LMNB1: variants seen among roughly 807,000 people sequenced by gnomAD.
LMNB1 encodes the protein lamin B1.
A neutral mutation model predicts 67.1 loss-of-function variants in LMNB1; 23 were observed. The observed-to-expected ratio is 0.34, with a 90% CI of 0.25 to 0.49. The LOEUF is 0.49. LMNB1 is among the 20% of genes least tolerant of loss of function. The probability of loss-of-function intolerance (pLI) is 0.99; values close to 1 mark genes in which losing one functional copy is unlikely to be tolerated. For synonymous variants in LMNB1, 281 were observed against 282.9 expected (o/e 0.99, Z 0.07); for missense variants, 634 against 746.5 (o/e 0.85, Z 1.76).
Position 126,777,358 on chromosome 5 carries a change from C to CA in LMNB1, c.-150dup. 1 of 882,358 alleles carries CA rather than the reference C, an allele frequency of 1.1e-6. No individual in the cohort carries two copies. The allele number at this position is 882,358 out of a possible 1,614,324, so 54.7% of individuals were successfully genotyped here. A position where few individuals can be genotyped will look rare whatever the true frequency, so the allele number is the denominator to read the frequency against. ...TGCTGTAATCGAGCTCCCGCCATCC[C>CA]AGGTGCTTCTCCGTTCCTCTAAACG... On this transcript the variant is annotated 5_prime_UTR_variant, in exon 1 of 11. Coordinates refer to ENST00000261366, the MANE Select transcript of LMNB1 (RefSeq NM_005573.4).
intron 4 of LMNB1, among the ~76,000 whole-genome samples, chr5:126,810,707 A>G (rs1232114971): frequency 1.3e-5 from 2 of 152,232 alleles, no homozygotes; most frequent in African/African-American, 4.8e-5. Context: ...TCCATTTAGT[A>G]ATGAATGAAT....
chr5:126,777,407 G>A lies in LMNB1; in HGVS notation c.-102G>A, dbSNP rs1750485856. 1.6e-6 allele frequency: 2 copies of A among 1,218,932 alleles called. No individual in the cohort carries two copies. Among genetic ancestry groups the A allele is most frequent in the African/African-American group, 1.6e-5 (1 of 63,172 alleles). 75.5% of individuals were successfully genotyped at this position (1,218,932 alleles called of 1,614,324 possible). ...CGCCAGCGTCTGGACGTGAGCGCAG[G>A]TCGCCGGTTTGTGCCTTCGGTCCCC... is the stretch of plus-strand genomic sequence containing the variant. On this transcript the variant is annotated 5_prime_UTR_variant, in exon 1 of 11. Coordinates refer to ENST00000261366, the MANE Select transcript of LMNB1 (RefSeq NM_005573.4).
Position 126,777,886 on chromosome 5 carries a change from C to A in LMNB1, c.359+19C>A, listed in dbSNP as rs1750512489. 5 of 1,381,816 alleles carry A rather than the reference C, an allele frequency of 3.6e-6. No homozygotes were observed. Among genetic ancestry groups the A allele is most frequent in the Non-Finnish European group, 4.7e-6 (5 of 1,068,968 alleles). The allele number at this position is 1,381,816 out of a possible 1,614,324, so 85.6% of individuals were successfully genotyped here. On this transcript the variant is annotated intron_variant, in intron 1 of 10. Coordinates refer to ENST00000261366, the MANE Select transcript of LMNB1 (RefSeq NM_005573.4). ...TCCTCAAGTGAGTGCTAGCTGGCGGCCGCGTTAGCGCCAAGGAGGGGCGGG... is the reference window on the plus strand; with the variant it reads ...TCCTCAAGTGAGTGCTAGCTGGCGGACGCGTTAGCGCCAAGGAGGGGCGGG...
chr5:126,805,043 T>G, intron 2 of LMNB1, 111 bp downstream of exon 2: 13 of 1,009,090 alleles, frequency 1.3e-5, no homozygotes, highest in Non-Finnish European at 1.7e-5. Flanking sequence ...TTTTTGAAAT[T>G]TTATATATTT....
At chr5:126,794,959 C>T (rs534016016) in intron 1 of LMNB1, among the ~76,000 whole-genome samples, 188 of 152,080 alleles carry the variant, frequency 1.2e-3, no homozygotes, top group African/African-American at 4.4e-3. Flanking sequence ...AATAATTTGC[C>T]GTTACCAAAT....
chr5:126,782,437 GAC>G (rs1223555223), intron 1 of LMNB1, among the ~76,000 whole-genome samples: 7 of 152,196 alleles, frequency 4.6e-5, no homozygotes, highest in Non-Finnish European at 8.8e-5. Context: ...AGTGGAGAAA[GAC>G]AGATTGAAAA....
chr5:126,799,646 T>C (rs1339299426), intron 1 of LMNB1, among the ~76,000 whole-genome samples: 2 of 152,204 alleles, frequency 1.3e-5, no homozygotes, highest in Non-Finnish European at 2.9e-5. Flanking sequence ...GACCCTGTCT[T>C]ATTTATTTAT....
intron 1 of LMNB1, among the ~76,000 whole-genome samples, chr5:126,793,879 AAAAG>A (rs200364620): frequency 1.7e-4 from 26 of 151,728 alleles, no homozygotes; most frequent in East Asian, 3.9e-4. Context: ...TCCATCTCCA[AAAAG>A]AAAGAAAGAA....
At position 126,803,831 on chromosome 5, in the gene LMNB1, A is replaced by T. The variant is rs142808108; in HGVS notation, c.360-945A>T. Among the ~76,000 whole-genome samples the T allele has an allele frequency of 8.1e-3, 1,233 of 152,308 alleles. 19 individuals are homozygous for T. Among genetic ancestry groups the T allele is most frequent in the African/African-American group, 0.029 (1,187 of 41,576 alleles). ...CTTCCAAAGTGCTGGGATTACAGGCATGAGCCACCGTGCCCGGCCCTGAAC... is the reference window on the plus strand; with the variant it reads ...CTTCCAAAGTGCTGGGATTACAGGCTTGAGCCACCGTGCCCGGCCCTGAAC... On this transcript the variant is annotated intron_variant, in intron 1 of 10. Transcript: ENST00000261366.
intron 1 of LMNB1, among the ~76,000 whole-genome samples, chr5:126,788,639 G>A (rs764829194): frequency 2.0e-5 from 3 of 152,070 alleles, no homozygotes; most frequent in Non-Finnish European, 2.9e-5. Context: ...TGTGACAGAG[G>A]GACACTTCGT....
chr5:126,831,980 C>T (rs896842441), intron 9 of LMNB1, among the ~76,000 whole-genome samples: 1 of 152,034 alleles, frequency 6.6e-6, no homozygotes, highest in African/African-American at 2.4e-5. Context: ...AAATAATAAA[C>T]AGGGGCCAAG....
chr5:126,778,723 T>C (rs1217891049), intron 1 of LMNB1, among the ~76,000 whole-genome samples: 1 of 152,024 alleles, frequency 6.6e-6, no homozygotes, highest in Non-Finnish European at 1.5e-5. Flanking sequence ...TCCCCAGCTT[T>C]TGCCTCCTCG....
At chr5:126,787,546 A>ATATATATTTTTTTTTTTTTTTTTTT in intron 1 of LMNB1, among the ~76,000 whole-genome samples, 5 of 65,572 alleles carry the variant, frequency 7.6e-5, no homozygotes, top group Non-Finnish European at 1.1e-4. Flanking sequence ...ATATATATAT[A>ATATATATTTTTTTTTTTTTTTTTTT]TTTTTTTTTT....
chr5:126,811,304 G>GT (rs561182705), intron 4 of LMNB1, among the ~76,000 whole-genome samples: 12 of 152,054 alleles, frequency 7.9e-5, no homozygotes, highest in Middle Eastern at 3.4e-3. Context: ...TACTCAAGGA[G>GT]TTTTTTTTGC....
chr5:126,805,806 A>G (rs1751402960), intron 3 of LMNB1, 110 bp downstream of exon 3: 2 of 843,302 alleles, frequency 2.4e-6, no homozygotes, highest in Non-Finnish European at 3.5e-6. Context: ...CCACAAAAAT[A>G]TATCAGATAA....
intron 1 of LMNB1, among the ~76,000 whole-genome samples, chr5:126,789,754 A>G (rs1580528399): frequency 6.6e-6 from 1 of 152,054 alleles, no homozygotes; most frequent in East Asian, 1.9e-4. Flanking sequence ...GCTCACTGCA[A>G]CCTCTGCCTT....
rs1392014222 is a variant in LMNB1 at position 126,791,044 on chromosome 5, TAAAC to T, written c.359+13181_359+13184del. On this transcript the variant is annotated intron_variant, in intron 1 of 10. Coordinates refer to ENST00000261366, the MANE Select transcript of LMNB1 (RefSeq NM_005573.4). ...CTCAATAAATAAATAAATAAACAAA[TAAAC>T]AAATAAATAAATAAAATGAAGACGT... Among the ~76,000 whole-genome samples the T allele has an allele frequency of 1.1e-4, 17 of 152,002 alleles. No individual in the cohort carries two copies. The East Asian group carries it at 1.9e-3, about 17-fold the overall frequency.
intron 1 of LMNB1, among the ~76,000 whole-genome samples, chr5:126,782,368 G>A (rs138184121): frequency 1.6e-3 from 239 of 152,268 alleles, no homozygotes; most frequent in African/African-American, 5.3e-3. Context: ...TAGAGTTAGG[G>A]TAGATAGAGT....
Position 126,819,001 on chromosome 5 carries a change from C to G in LMNB1, c.1019C>G (p.Thr340Arg), listed in dbSNP as rs1392556190. 6.2e-7 allele frequency: 1 copy of G among 1,614,122 alleles called. No individual in the cohort carries two copies. The highest frequency in any genetic ancestry group is 8.5e-7 in the Non-Finnish European group (1 of 1,179,998). The change falls in exon 6 of 11, where the codon ACA becomes AGA. Residue 340 changes from threonine to arginine, a missense_variant. Thr to Arg is a moderately conservative substitution (Grantham distance 71). Transcript: ENST00000261366. ...AAAGACAACTCTCGTCGCATGCTGA[C>G]AGACAAAGAGAGAGAGATGGCGGAA... ...KEKDNSRRML[T>R]DKEREMAEIR... is the part of the protein sequence containing the mutation.
Sources: allele counts gnomAD v4.1 joint callset (sites outside exome capture counted in the v4.1 genomes callset), GRCh38; gene constraint gnomAD v4.1.1; transcripts MANE v1.5; gene names NCBI Gene and HGNC (gene_info 2026-07-23, HGNC 2026-07-21).